Variants in SMOC1 observed in about 807,000 individuals in gnomAD.
SMOC1 encodes the protein SPARC related modular calcium binding 1.
A neutral mutation model predicts 56.3 loss-of-function variants in SMOC1; 22 were observed. The observed-to-expected ratio is 0.39, with a 90% CI of 0.28 to 0.56. The LOEUF is 0.56. Among genes scored for constraint, SMOC1 ranks in the 20% least tolerant of loss-of-function variants. SMOC1 has a pLI of 0.61. For missense variants in SMOC1, 509 were observed against 565.4 expected (o/e 0.90, Z 1.01); for synonymous variants, 193 against 215.0 (o/e 0.90, Z 0.89).
chr14:69,883,215 A>C (rs1381570624), intron 1 of SMOC1, among the ~76,000 whole-genome samples: 1 of 152,128 alleles, frequency 6.6e-6, no homozygotes, highest in Non-Finnish European at 1.5e-5. Flanking sequence ...CTTTGAATAG[A>C]TCTCTTGAAT....
chr14:69,904,433 C>T (rs752186678), intron 1 of SMOC1, among the ~76,000 whole-genome samples: 7 of 152,176 alleles, frequency 4.6e-5, no homozygotes, highest in Admixed American at 3.3e-4. Flanking sequence ...CCACTGTCTC[C>T]GAAGGGGTGG....
intron 1 of SMOC1, chr14:69,885,632 A>G: frequency 6.8e-7 from 1 of 1,474,654 alleles, no homozygotes; most frequent in Non-Finnish European, 9.4e-7. Flanking sequence ...TAGGGCAGGC[A>G]AGAAGACAAC....
chr14:69,920,823 C>G (rs1047628590), intron 1 of SMOC1, among the ~76,000 whole-genome samples: 17 of 152,168 alleles, frequency 1.1e-4, no homozygotes, highest in African/African-American at 4.1e-4. Flanking sequence ...AGGAAGAGGA[C>G]TTGCCCAGTG....
intron 5 of SMOC1, among the ~76,000 whole-genome samples, chr14:69,982,683 C>T (rs1027655601): frequency 2.0e-5 from 3 of 152,236 alleles, no homozygotes; most frequent in African/African-American, 7.2e-5. Context: ...GCTCACATGA[C>T]TTAAATCTCT....
At chr14:69,996,915 C>G (rs1309169369) in intron 7 of SMOC1, among the ~76,000 whole-genome samples, 2 of 152,210 alleles carry the variant, frequency 1.3e-5, no homozygotes, top group African/African-American at 4.8e-5. Context: ...CAAATGGTCT[C>G]TTGCCTTCTT....
chr14:69,938,872 T>C (rs1882438438), intron 1 of SMOC1, among the ~76,000 whole-genome samples: 1 of 152,168 alleles, frequency 6.6e-6, no homozygotes, highest in Non-Finnish European at 1.5e-5. Context: ...TCTTCCACAT[T>C]CTTGGTCCTA....
chr14:69,885,414 C>T, intron 1 of SMOC1: 1 of 1,601,058 alleles, frequency 6.2e-7, no homozygotes, highest in Non-Finnish European at 8.5e-7. Context: ...GACTTAGGAC[C>T]CAGGACATTG....
At chr14:69,912,826 G>A (rs949592750) in intron 1 of SMOC1, among the ~76,000 whole-genome samples, 5 of 152,198 alleles carry the variant, frequency 3.3e-5, no homozygotes, top group Admixed American at 1.3e-4. Flanking sequence ...CCCTCCTCGG[G>A]CTGCAGTTTG....
intron 5 of SMOC1, among the ~76,000 whole-genome samples, chr14:69,981,011 C>T (rs1185724659): frequency 6.6e-6 from 1 of 152,082 alleles, no homozygotes; most frequent in Non-Finnish European, 1.5e-5. Flanking sequence ...TGTGTGACCA[C>T]GGAGAGTCTG....
At chr14:69,926,553 G>A (rs1885016833) in intron 1 of SMOC1, among the ~76,000 whole-genome samples, 1 of 152,214 alleles carries the variant, frequency 6.6e-6, no homozygotes, top group South Asian at 2.1e-4. Context: ...GTGGCCTCAG[G>A]TCCTAGGGGC....
At chr14:69,985,058 A>G (rs1044332539) in intron 5 of SMOC1, among the ~76,000 whole-genome samples, 1 of 151,914 alleles carries the variant, frequency 6.6e-6, no homozygotes, top group African/African-American at 2.4e-5. Context: ...AAAAAAGAAA[A>G]GAAAGAAATT....
chr14:69,916,612 C>G (rs1271755914), intron 1 of SMOC1, among the ~76,000 whole-genome samples: 2 of 152,214 alleles, frequency 1.3e-5, no homozygotes, highest in East Asian at 3.8e-4. Context: ...GGTCCATTTC[C>G]TCCTTAGGGC....
chr14:69,895,216 C>G (rs893221515), intron 1 of SMOC1, among the ~76,000 whole-genome samples: 2 of 152,192 alleles, frequency 1.3e-5, no homozygotes, highest in Non-Finnish European at 2.9e-5. Context: ...CCCGTCCTTG[C>G]CACCTGACTA....
At chr14:69,983,880 A>G (rs981522129) in intron 5 of SMOC1, among the ~76,000 whole-genome samples, 1 of 152,160 alleles carries the variant, frequency 6.6e-6, no homozygotes, top group African/African-American at 2.4e-5. Context: ...GGGCCACAGA[A>G]CTCGTGTGGT....
At chr14:69,978,070 C>T (rs1884034365) in intron 5 of SMOC1, 105 bp downstream of exon 5, 2 of 897,654 alleles carry the variant, frequency 2.2e-6, no homozygotes, top group Non-Finnish European at 3.8e-6. Flanking sequence ...CCTAAGGTGT[C>T]CCGCAGAACA....
At chr14:69,934,124 G>A (rs1424244388) in intron 1 of SMOC1, among the ~76,000 whole-genome samples, 2 of 152,176 alleles carry the variant, frequency 1.3e-5, no homozygotes, top group African/African-American at 2.4e-5. Flanking sequence ...CAAGGACCAA[G>A]GACTGGATCC....
intron 1 of SMOC1, among the ~76,000 whole-genome samples, chr14:69,880,412 A>G (rs1414739281): frequency 6.6e-6 from 1 of 152,134 alleles, no homozygotes; most frequent in African/African-American, 2.4e-5. Context: ...CCCTGGGTTC[A>G]GTGCTGGGAG....
chr14:69,975,655 T>C (rs1459360881), intron 3 of SMOC1, 60 bp from the exon 4 acceptor site: 3 of 1,211,416 alleles, frequency 2.5e-6, no homozygotes, highest in African/African-American at 3.0e-5. Context: ...GGGTTGGAGA[T>C]GAGTCTTGAT....
chr14:70,016,266 G>A (rs1885507896), intron 10 of SMOC1, among the ~76,000 whole-genome samples: 1 of 152,224 alleles, frequency 6.6e-6, no homozygotes, highest in Non-Finnish European at 1.5e-5. Context: ...GTGTCCTTAG[G>A]GAAGAGGATC....
Sources: allele counts gnomAD v4.1 joint callset (sites outside exome capture counted in the v4.1 genomes callset), GRCh38; gene constraint gnomAD v4.1.1; transcripts MANE v1.5; gene names NCBI Gene and HGNC (gene_info 2026-07-23, HGNC 2026-07-21).